Variants in CPEB4 observed in about 807,000 individuals in gnomAD.
CPEB4 encodes the protein cytoplasmic polyadenylation element-binding protein 4.
Under a neutral mutation model 72.5 loss-of-function variants are expected in CPEB4, and 12 were observed. The observed-to-expected ratio is 0.17, with a 90% CI of 0.11 to 0.27. The LOEUF (loss-of-function observed/expected upper bound fraction) is 0.27. CPEB4 is among the 10% of genes least tolerant of loss of function. The probability of loss-of-function intolerance (pLI) is 1.00; values close to 1 mark genes in which losing one functional copy is unlikely to be tolerated. For synonymous variants in CPEB4, 302 were observed against 326.3 expected (o/e 0.93, Z 0.80); for missense variants, 614 against 908.5 (o/e 0.68, Z 4.17).
At chr5:173,891,199 A>G (rs2113113043) in intron 1 of CPEB4, among the ~76,000 whole-genome samples, 1 of 152,330 alleles carries the variant, frequency 6.6e-6, no homozygotes, top group African/African-American at 2.4e-5. Context: ...TAATATATAG[A>G]TATAAATATA....
chr5:173,949,296 A>G (rs998871046), intron 5 of CPEB4, among the ~76,000 whole-genome samples: 3 of 152,194 alleles, frequency 2.0e-5, no homozygotes, highest in Admixed American at 2.0e-4. Context: ...TGATTTGTGC[A>G]TATGTACAGA....
At chr5:173,901,478 T>A (rs183175862) in intron 1 of CPEB4, among the ~76,000 whole-genome samples, 1 of 152,362 alleles carries the variant, frequency 6.6e-6, no homozygotes, top group Non-Finnish European at 1.5e-5. Flanking sequence ...ATTACCACTT[T>A]AACTTTAATC....
chr5:173,941,688 C>T (rs2113267378), intron 3 of CPEB4, among the ~76,000 whole-genome samples: 1 of 151,944 alleles, frequency 6.6e-6, no homozygotes, highest in Non-Finnish European at 1.5e-5. Flanking sequence ...ATTTGGCCAA[C>T]ATAGTGAAAC....
intron 5 of CPEB4, among the ~76,000 whole-genome samples, chr5:173,948,006 A>C (rs1342461075): frequency 1.3e-5 from 2 of 152,174 alleles, no homozygotes; most frequent in East Asian, 1.9e-4. Context: ...CACGCAGGAC[A>C]AAAATTGTCC....
intron 2 of CPEB4, among the ~76,000 whole-genome samples, chr5:173,932,197 A>T (rs769843760): frequency 2.6e-4 from 40 of 152,238 alleles, no homozygotes; most frequent in South Asian, 4.1e-4. Context: ...AGTTGCTATT[A>T]CATAATGGTA....
Position 173,956,350 on chromosome 5 carries a change from G to T in CPEB4, c.*213G>T, listed in dbSNP as rs1013609102. On this transcript the variant is annotated 3_prime_UTR_variant, in exon 10 of 10. Transcript: ENST00000265085. ...TGAACTCCTTTTTCGTATTGCCATCGGGTTGCATGGAAGTTTTATTCTCTT... is the reference window on the plus strand; with the variant it reads ...TGAACTCCTTTTTCGTATTGCCATCTGGTTGCATGGAAGTTTTATTCTCTT... The T allele has an allele frequency of 2.2e-6, 1 of 458,028 alleles. No individual in the cohort carries two copies. The highest frequency in any genetic ancestry group is 3.9e-6 in the Non-Finnish European group (1 of 258,456). The allele number at this position is 458,028 out of a possible 1,614,324, so 28.4% of individuals were successfully genotyped here.
At chr5:173,914,966 T>C (rs1241836631) in intron 2 of CPEB4, among the ~76,000 whole-genome samples, 1 of 152,172 alleles carries the variant, frequency 6.6e-6, no homozygotes, top group Non-Finnish European at 1.5e-5. Flanking sequence ...GTATGCAGTT[T>C]GTGTGTGTAT....
At chr5:173,918,662 T>C in intron 2 of CPEB4, among the ~76,000 whole-genome samples, 1 of 152,246 alleles carries the variant, frequency 6.6e-6, no homozygotes, top group East Asian at 1.9e-4. Context: ...GATCCTCATC[T>C]GCCCCGTTTA....
chr5:173,899,990 G>A (rs1756166038), intron 1 of CPEB4, among the ~76,000 whole-genome samples: 2 of 152,032 alleles, frequency 1.3e-5, no homozygotes, highest in East Asian at 1.9e-4. Flanking sequence ...GATGGGGGTC[G>A]GGGGGTGTTG....
intron 7 of CPEB4, among the ~76,000 whole-genome samples, chr5:173,951,403 T>C (rs1758212413): frequency 6.6e-6 from 1 of 152,234 alleles, no homozygotes; most frequent in African/African-American, 2.4e-5. Context: ...TCAGGAGTAG[T>C]TTGCATTTCC....
At chr5:173,897,822 G>A (rs1486971261) in intron 1 of CPEB4, among the ~76,000 whole-genome samples, 1 of 152,066 alleles carries the variant, frequency 6.6e-6, no homozygotes, top group Non-Finnish European at 1.5e-5. Flanking sequence ...TTTGGAAAGT[G>A]TAATTATCAA....
chr5:173,888,768 A>C lies in CPEB4; in HGVS notation c.-966A>C. On this transcript the variant is annotated 5_prime_UTR_variant, in exon 1 of 10. Transcript: ENST00000265085. This position sits in a 1 kb window ranked among gnomAD's most constrained non-coding sequence, Gnocchi z 4.3. ...GCCCCTGGGTCCCATGAGGGAAAAA[A>C]ACCCCGGAGCCGCAGAGAGGGGAAG... 5 of 378,352 alleles carry C rather than the reference A, an allele frequency of 1.3e-5. No individual in the cohort carries two copies. The highest frequency in any genetic ancestry group is 2.3e-5 in the Non-Finnish European group (5 of 213,752). The allele number at this position is 378,352 out of a possible 1,614,324, so 23.4% of individuals were successfully genotyped here. A position where few individuals can be genotyped will look rare whatever the true frequency, so the allele number is the denominator to read the frequency against.
intron 1 of CPEB4, among the ~76,000 whole-genome samples, chr5:173,907,402 A>AT (rs1756482237): frequency 6.6e-6 from 1 of 152,200 alleles, no homozygotes; most frequent in Non-Finnish European, 1.5e-5. Context: ...ACCAGTCTAT[A>AT]TTTTTTATCA....
chr5:173,933,588 T>A (rs1757518251), intron 3 of CPEB4, among the ~76,000 whole-genome samples: 1 of 152,140 alleles, frequency 6.6e-6, no homozygotes, highest in Non-Finnish European at 1.5e-5. Flanking sequence ...ATAAATATAT[T>A]AGGCCAAAAA....
intron 3 of CPEB4, 64 bp from the exon 4 acceptor site, chr5:173,942,962 T>C: frequency 6.6e-7 from 1 of 1,526,466 alleles, no homozygotes; most frequent in Non-Finnish European, 9.0e-7. Context: ...AGTTGATTCT[T>C]TTGACAATGT....
chr5:173,905,978 G>A (rs1362504657), intron 1 of CPEB4, among the ~76,000 whole-genome samples: 1 of 152,156 alleles, frequency 6.6e-6, no homozygotes, highest in Non-Finnish European at 1.5e-5. Context: ...GCTTCCTAGT[G>A]TCTAATGCCC....
rs1758173141 is a variant in CPEB4 at position 173,950,338 on chromosome 5, C to T, written c.1665+260C>T. On this transcript the variant is annotated intron_variant, in intron 7 of 9. Coordinates refer to ENST00000265085, the MANE Select transcript of CPEB4 (RefSeq NM_030627.4). This position sits in a 1 kb window ranked among gnomAD's most constrained non-coding sequence, Gnocchi z 5.0. Reference sequence around the variant, plus strand: ...AAGATTTCACGGCTGGGCATGGTGGCTCACACCTGTAATCCCAGCACTTTG... The same window carrying T: ...AAGATTTCACGGCTGGGCATGGTGGTTCACACCTGTAATCCCAGCACTTTG... 6.6e-6 allele frequency among the ~76,000 whole-genome samples: 1 copy of T among 152,142 alleles called. No individual in the cohort carries two copies. The highest frequency in any genetic ancestry group is 1.5e-5 in the Non-Finnish European group (1 of 68,036).
rs1758353025 is a variant in CPEB4 at position 173,955,545 on chromosome 5, A to G, written c.1963-365A>G. Among the ~76,000 whole-genome samples, 1 of 152,214 alleles carries G rather than the reference A, an allele frequency of 6.6e-6. No individual in the cohort carries two copies. The highest frequency in any genetic ancestry group is 1.5e-5 in the Non-Finnish European group (1 of 68,052). ...TTGATTTTGTTTAAATTATGATTCC[A>G]CATATGACAAAAATCCAGATCCACT... On this transcript the variant is annotated intron_variant, in intron 9 of 9. Coordinates refer to ENST00000265085, the MANE Select transcript of CPEB4 (RefSeq NM_030627.4). This position sits in a 1 kb window ranked among gnomAD's most constrained non-coding sequence, Gnocchi z 4.7.
At chr5:173,915,239 CTT>C (rs1225252457) in intron 2 of CPEB4, among the ~76,000 whole-genome samples, 1 of 152,018 alleles carries the variant, frequency 6.6e-6, no homozygotes, top group African/African-American at 2.4e-5. Flanking sequence ...TGTTGGAAAA[CTT>C]ATTTTTTTTT....
Sources: gnomAD v4.1 joint callset for allele counts (sites outside exome capture counted in the v4.1 genomes callset) on GRCh38, gnomAD v4.1.1 for gene constraint, Gnocchi (gnomAD v3.1) non-coding constraint, MANE v1.5 for transcripts, NCBI Gene and HGNC (gene_info 2026-07-23, HGNC 2026-07-21) for gene names.